The following OVCH2 variants were observed in gnomAD, a reference collection of about 807,000 sequenced individuals.
OVCH2 encodes ovochymase 2, also known as ovochymase-2.
Under a neutral mutation model 73.7 loss-of-function variants are expected in OVCH2, and 88 were observed. The ratio of observed to expected loss-of-function variants is 1.19; its 90% CI spans 1.01 to 1.43. OVCH2 has a LOEUF of 1.43. Ranked by LOEUF, OVCH2 falls within the 40% of genes most tolerant of loss-of-function variation. OVCH2 has a pLI of 0.00. For missense variants in OVCH2, 706 were observed against 674.5 expected (o/e 1.05, Z -0.52); for synonymous variants, 265 against 234.5 (o/e 1.13, Z -1.19).
intron 12 of OVCH2, among the ~76,000 whole-genome samples, chr11:7,694,101 T>A (rs1223226099): frequency 6.6e-6 from 1 of 152,204 alleles, no homozygotes; most frequent in Non-Finnish European, 1.5e-5. Flanking sequence ...CATCCCTCAC[T>A]CCTCTCCCCT....
At chr11:7,703,478 G>T (rs978050319) in intron 3 of OVCH2, among the ~76,000 whole-genome samples, 14 of 151,932 alleles carry the variant, frequency 9.2e-5, no homozygotes. Flanking sequence ...GTTATTTTAA[G>T]TAAAAACGAA....
chr11:7,697,303 A>G (rs1295893390), intron 8 of OVCH2, among the ~76,000 whole-genome samples: 1 of 152,102 alleles, frequency 6.6e-6, no homozygotes, highest in Non-Finnish European at 1.5e-5. Flanking sequence ...GAGCCTCCCA[A>G]ATTGCTGTGA....
At chr11:7,695,820 A>AAGTTTCTC in intron 10 of OVCH2, 110 bp from the exon 11 acceptor site, 1 of 1,410,124 alleles carries the variant, frequency 7.1e-7, no homozygotes, top group Non-Finnish European at 9.7e-7. Flanking sequence ...GTCCAATCCA[A>AAGTTTCTC]AGTTTCTCAG....
chr11:7,681,156 T>C, the OVCH2 span, among the ~76,000 whole-genome samples: 1 of 152,230 alleles, frequency 6.6e-6, no homozygotes, highest in African/African-American at 2.4e-5. Context: ...GGGCTGAGCT[T>C]CATTAGGGAC....
intron 8 of OVCH2, 114 bp from the exon 9 acceptor site, chr11:7,696,913 G>A (rs925939237): frequency 2.7e-5 from 25 of 936,312 alleles, no homozygotes; most frequent in African/African-American, 2.6e-4. Context: ...TGTACTCTTC[G>A]TTCTTCATGA....
rs762717528 is a variant in OVCH2, at chr11:7,704,612, G to A, written c.151C>T (p.Arg51Cys). Residue 51 changes from arginine (R) to cysteine (C), a missense_variant, in exon 2 of 16, where the codon CGC (arginine) becomes TGC (cysteine). Physicochemically the swap from Arg to Cys is radical, Grantham distance 180. Coordinates refer to ENST00000533663, the MANE Select transcript of OVCH2 (RefSeq NM_198185.7). ...QPWNYFNIFSRILGGSQVEKG... is the reference protein window; with the variant it reads ...QPWNYFNIFSCILGGSQVEKG... ...TCCACTTGGCTTCCTCCAAGAATGC[G>A]ACTGAAAATGTTAAAATAATTCCAA... The A allele has an allele frequency of 2.0e-5, 32 of 1,612,606 alleles. No individual in the cohort carries two copies. The highest frequency in any genetic ancestry group is 2.4e-5 in the Non-Finnish European group (28 of 1,179,442).
chr11:7,684,493 C>T (rs993355942), downstream of OVCH2, among the ~76,000 whole-genome samples: 2 of 126,472 alleles, frequency 1.6e-5, no homozygotes, highest in Middle Eastern at 3.8e-3. Flanking sequence ...TATATACACA[C>T]ACATACATAC....
At chr11:7,698,915 G>T in intron 7 of OVCH2, 142 bp from the exon 8 acceptor site, 1 of 773,986 alleles carries the variant, frequency 1.3e-6, no homozygotes, top group Non-Finnish European at 2.1e-6. Flanking sequence ...AAGAAGGGAA[G>T]GGATAAATGG....
intron 3 of OVCH2, 109 bp from the exon 4 acceptor site, chr11:7,702,438 T>G (rs78652635): frequency 3.0e-6 from 1 of 328,458 alleles, no homozygotes; most frequent in Admixed American, 1.3e-4. Context: ...TAATATGGGG[T>G]GTGAGGCTGC....
intron 14 of OVCH2, among the ~76,000 whole-genome samples, chr11:7,690,991 T>C (rs1856209125): frequency 6.6e-6 from 1 of 152,220 alleles, no homozygotes; most frequent in South Asian, 2.1e-4. Flanking sequence ...GAACCAGCAA[T>C]ATATATTAAA....
At chr11:7,694,083 T>G (rs7121009) in intron 12 of OVCH2, among the ~76,000 whole-genome samples, 149,893 of 152,198 alleles carry the variant, frequency 0.98, 73,853 homozygotes, top group East Asian at 1. Context: ...AGAACGCTGG[T>G]GTCTCATCAT....
chr11:7,684,070 T>G, the OVCH2 span, among the ~76,000 whole-genome samples: 1 of 151,540 alleles, frequency 6.6e-6, no homozygotes, highest in South Asian at 2.1e-4. Flanking sequence ...ATTATCTGCT[T>G]CCCCATCCCC....
rs138476817 is a variant in OVCH2, at chr11:7,691,222, A to T, written c.1639+47T>A. 10 of 1,555,160 alleles carry T rather than the reference A, an allele frequency of 6.4e-6. No individual in the cohort carries two copies. The East Asian group carries it at 2.4e-4, about 37-fold the overall frequency. On this transcript the variant is annotated intron_variant, in intron 14 of 15. Coordinates refer to ENST00000533663, the MANE Select transcript of OVCH2 (RefSeq NM_198185.7). Reference sequence around the variant, plus strand: ...TCTAAAGACCTCTAATTCACATCACAAGGATTAGAACTGGGAACCAAAGAG... The same window carrying T: ...TCTAAAGACCTCTAATTCACATCACTAGGATTAGAACTGGGAACCAAAGAG...
At position 7,691,349 on chromosome 11, in the gene OVCH2, A is replaced by G. The variant is rs532498166; in HGVS notation, c.1559T>C (p.Ile520Thr). The G allele has an allele frequency of 5.0e-6, 8 of 1,613,886 alleles. No homozygotes were observed. The Admixed American group carries it at 1.3e-4, about 27-fold the overall frequency. Residue 520 changes from isoleucine to threonine, a missense_variant, in exon 14 of 16, where the codon ATC becomes ACC. Coordinates refer to ENST00000533663, the MANE Select transcript of OVCH2 (RefSeq NM_198185.7). ...ATCTGATTGGAAGCTGATGAGCATG[A>G]TGCTGGAGGGGCTCAGCACAGGGGT... Reference protein sequence around the residue: ...VPTPVLSPSSIMLISFQSDEN... With the variant: ...VPTPVLSPSSTMLISFQSDEN...
chr11:7,689,851 C>A, intron 15 of OVCH2, 73 bp downstream of exon 15: 2 of 911,984 alleles, frequency 2.2e-6, no homozygotes, highest in Admixed American at 2.0e-5. Flanking sequence ...GAATTAAATC[C>A]ATATCACCTG....
intron 14 of OVCH2, 28 bp downstream of exon 14, chr11:7,691,241 C>A (rs746549397): frequency 6.3e-7 from 1 of 1,578,842 alleles, no homozygotes; most frequent in South Asian, 1.2e-5. Flanking sequence ...AACTGGGAAC[C>A]AAAGAGTTGG....
At chr11:7,696,947 A>G (rs866574848) in intron 8 of OVCH2, 148 bp from the exon 9 acceptor site, 7 of 709,450 alleles carry the variant, frequency 9.9e-6, no homozygotes, top group South Asian at 3.7e-5. Flanking sequence ...CTTTGCTTCT[A>G]TGATGCCTTT....
chr11:7,691,177 C>G, intron 14 of OVCH2, 92 bp downstream of exon 14: 1 of 1,425,034 alleles, frequency 7.0e-7, no homozygotes, highest in Non-Finnish European at 9.6e-7. Context: ...TAGTGAGAAT[C>G]GACTGTCTCT....
intron 5 of OVCH2, 44 bp downstream of exon 5, chr11:7,701,672 A>AAGTTC (rs1167767897): frequency 6.4e-7 from 1 of 1,564,444 alleles, no homozygotes; most frequent in Non-Finnish European, 8.7e-7. Flanking sequence ...GCCCACCAGA[A>AAGTTC]AGTTCTGACC....
Sources: gnomAD v4.1 joint callset for allele counts (sites outside exome capture counted in the v4.1 genomes callset) on GRCh38, gnomAD v4.1.1 for gene constraint, MANE v1.5 for transcripts, NCBI Gene and HGNC (gene_info 2026-07-23, HGNC 2026-07-21) for gene names.